Variants in LHFPL6 observed in about 807,000 individuals in gnomAD.
The protein encoded by LHFPL6 is LHFPL tetraspan subfamily member 6 protein.
In LHFPL6, 9 loss-of-function variants were observed where a neutral mutation model predicts 20.6. That is an observed-to-expected ratio of 0.44 (90% CI 0.26 to 0.76). LHFPL6 has a LOEUF of 0.76. LHFPL6 is among the 30% of genes least tolerant of loss of function. The probability of loss-of-function intolerance (pLI) is 0.20; values close to 1 mark genes in which losing one functional copy is unlikely to be tolerated. For synonymous variants in LHFPL6, 105 were observed against 98.7 expected (o/e 1.06, Z -0.38); for missense variants, 218 against 253.5 (o/e 0.86, Z 0.95).
chr13:39,586,885 G>A lies in LHFPL6; in HGVS notation c.385+13947C>T, dbSNP rs534431824. Reference sequence around the variant, plus strand: ...TAATCCTCAGCTTGGGGCCAGGCACGGTGGCTCACGCCTGTAATCCTAGCA... The same window carrying A: ...TAATCCTCAGCTTGGGGCCAGGCACAGTGGCTCACGCCTGTAATCCTAGCA... On this transcript the variant is annotated intron_variant, in intron 2 of 3. Coordinates refer to ENST00000379589, the MANE Select transcript of LHFPL6 (RefSeq NM_005780.3). Among the ~76,000 whole-genome samples, 127 of 152,002 alleles carry A rather than the reference G, an allele frequency of 8.4e-4. 1 individual carries two copies. The highest frequency in any genetic ancestry group is 4.5e-3 in the Admixed American group (69 of 15,254).
At chr13:39,363,791 C>G (rs1869940317) in intron 3 of LHFPL6, among the ~76,000 whole-genome samples, 1 of 152,180 alleles carries the variant, frequency 6.6e-6, no homozygotes, top group African/African-American at 2.4e-5. Context: ...ACATAATTAC[C>G]TGCCTGCTCT....
chr13:39,514,066 G>C (rs769947608), intron 2 of LHFPL6, among the ~76,000 whole-genome samples: 20 of 152,066 alleles, frequency 1.3e-4, no homozygotes, highest in Non-Finnish European at 2.4e-4. Flanking sequence ...GTCAAAGAAG[G>C]TTTTAGCTGA....
At chr13:39,369,606 T>TTCCTTCCTTCC (rs1870112579) in intron 3 of LHFPL6, among the ~76,000 whole-genome samples, 3 of 4,234 alleles carry the variant, frequency 7.1e-4, no homozygotes, top group South Asian at 0.011. Context: ...TTCCTCCCTC[T>TTCCTTCCTTCC]CTCCCTCCCT....
intron 2 of LHFPL6, among the ~76,000 whole-genome samples, chr13:39,529,522 G>T (rs1444885064): frequency 6.6e-6 from 1 of 152,186 alleles, no homozygotes; most frequent in Non-Finnish European, 1.5e-5. Context: ...ACTAATGGAT[G>T]AACACCTTAG....
chr13:39,347,892 A>G (rs372867838), intron 3 of LHFPL6, among the ~76,000 whole-genome samples: 54 of 152,348 alleles, frequency 3.5e-4, no homozygotes, highest in African/African-American at 1.3e-3. Context: ...TTCATTATTA[A>G]TAATGTATTG....
chr13:39,469,319 C>T (rs993025527), intron 2 of LHFPL6, among the ~76,000 whole-genome samples: 1 of 152,204 alleles, frequency 6.6e-6, no homozygotes, highest in African/African-American at 2.4e-5. Context: ...TCTATCTCCG[C>T]CCTCTCCTCT....
At position 39,541,332 on chromosome 13, in the gene LHFPL6, C is replaced by T. The variant is rs543983477; in HGVS notation, c.385+59500G>A. On this transcript the variant is annotated intron_variant, in intron 2 of 3. Coordinates refer to ENST00000379589, the MANE Select transcript of LHFPL6 (RefSeq NM_005780.3). ...TTTGCTCTTTATGAAAAAATTCAGGCAAAAAAATAAGCAAAACTCAATTCT... is the reference window on the plus strand; with the variant it reads ...TTTGCTCTTTATGAAAAAATTCAGGTAAAAAAATAAGCAAAACTCAATTCT... Among the ~76,000 whole-genome samples, 5 of 152,122 alleles carry T rather than the reference C, an allele frequency of 3.3e-5. No homozygotes were observed. In the East Asian group the frequency reaches 9.7e-4, roughly 29 times the overall value.
At chr13:39,430,639 A>G (rs1173528544) in intron 2 of LHFPL6, among the ~76,000 whole-genome samples, 3 of 152,204 alleles carry the variant, frequency 2.0e-5, no homozygotes, top group Non-Finnish European at 2.9e-5. Context: ...AAGTTTTGCA[A>G]ACGCACCAAT....
chr13:39,573,215 G>C (rs1289667293), intron 2 of LHFPL6, among the ~76,000 whole-genome samples: 2 of 152,232 alleles, frequency 1.3e-5, no homozygotes, highest in East Asian at 1.9e-4. Flanking sequence ...ATGTGGAATA[G>C]AGATTCATTC....
At chr13:39,518,199 T>G (rs1869991404) in intron 2 of LHFPL6, among the ~76,000 whole-genome samples, 1 of 152,078 alleles carries the variant, frequency 6.6e-6, no homozygotes, top group South Asian at 2.1e-4. Flanking sequence ...ATCCAATAAA[T>G]CTCCCATTAG....
intron 2 of LHFPL6, among the ~76,000 whole-genome samples, chr13:39,529,001 G>A (rs565232993): frequency 6.6e-6 from 1 of 152,300 alleles, no homozygotes; most frequent in African/African-American, 2.4e-5. Context: ...GACAGCTGGA[G>A]GGCAAGTTTA....
intron 2 of LHFPL6, among the ~76,000 whole-genome samples, chr13:39,567,472 C>T (rs1043953114): frequency 3.3e-5 from 5 of 152,198 alleles, no homozygotes; most frequent in Non-Finnish European, 7.3e-5. Context: ...AGTAAACAAT[C>T]TCTCAGAGCA....
intron 2 of LHFPL6, among the ~76,000 whole-genome samples, chr13:39,504,167 A>C (rs1370096090): frequency 6.6e-6 from 1 of 152,208 alleles, no homozygotes; most frequent in South Asian, 2.1e-4. Context: ...TATCTGTAGC[A>C]CAGAATAATG....
intron 2 of LHFPL6, among the ~76,000 whole-genome samples, chr13:39,390,359 G>T (rs376831079): frequency 6.6e-6 from 1 of 152,092 alleles, no homozygotes; most frequent in Admixed American, 6.5e-5. Flanking sequence ...TTAGCCACGC[G>T]TGGTGGTACA....
At chr13:39,461,887 T>C (rs1872696995) in intron 2 of LHFPL6, among the ~76,000 whole-genome samples, 1 of 152,184 alleles carries the variant, frequency 6.6e-6, no homozygotes, top group Non-Finnish European at 1.5e-5. Context: ...TCATCAACTA[T>C]CACTATTTTT....
chr13:39,345,537 A>AAAAAAAAAAAAAAAG (rs1593279014), intron 3 of LHFPL6, among the ~76,000 whole-genome samples: 1 of 146,504 alleles, frequency 6.8e-6, no homozygotes, highest in Admixed American at 6.9e-5. Context: ...AAAAAAAAAA[A>AAAAAAAAAAAAAAAG]AAAGAAAGAA....
chr13:39,537,747 C>T (rs546832727), intron 2 of LHFPL6, among the ~76,000 whole-genome samples: 1 of 152,096 alleles, frequency 6.6e-6, no homozygotes, highest in South Asian at 2.1e-4. Context: ...AAACAAAGCA[C>T]AATTATCAGG....
At chr13:39,556,277 G>A (rs1871301439) in intron 2 of LHFPL6, among the ~76,000 whole-genome samples, 2 of 152,214 alleles carry the variant, frequency 1.3e-5, no homozygotes, top group African/African-American at 4.8e-5. Context: ...CTTGGTAATG[G>A]CCAGAGGTTG....
intron 2 of LHFPL6, among the ~76,000 whole-genome samples, chr13:39,599,411 A>G (rs1348278401): frequency 6.6e-6 from 1 of 152,242 alleles, no homozygotes. Flanking sequence ...TCCACTTTCA[A>G]TGACAACTTC....
Sources: gnomAD v4.1 joint callset for allele counts (sites outside exome capture counted in the v4.1 genomes callset) on GRCh38, gnomAD v4.1.1 for gene constraint, MANE v1.5 for transcripts, NCBI Gene and HGNC (gene_info 2026-07-23, HGNC 2026-07-21) for gene names.